FMO2: variants seen among roughly 807,000 people sequenced by gnomAD.
FMO2 encodes the protein flavin containing dimethylaniline monoxygenase 2.
In FMO2, 33 loss-of-function variants were observed where a neutral mutation model predicts 41.6. The ratio of observed to expected loss-of-function variants is 0.79; its 90% CI spans 0.60 to 1.06. FMO2 has a LOEUF of 1.06. Ranked by LOEUF, FMO2 falls within the 50% of genes least tolerant of loss-of-function variation. The pLI, the probability that FMO2 is intolerant of heterozygous loss-of-function variation, is 0.00. For synonymous variants in FMO2, 214 were observed against 219.6 expected (o/e 0.97, Z 0.23); for missense variants, 619 against 632.9 (o/e 0.98, Z 0.23).
intron 8 of FMO2, among the ~76,000 whole-genome samples, 173 bp from the exon 9 acceptor site, chr1:171,208,621 A>C (rs1438777546): frequency 6.6e-6 from 1 of 152,184 alleles, no homozygotes; most frequent in Admixed American, 6.5e-5. Flanking sequence ...CGTATTCTCA[A>C]TCTGAGATAT....
At chr1:171,189,213 T>C (rs970038111) in intron 2 of FMO2, among the ~76,000 whole-genome samples, 1 of 65,674 alleles carries the variant, frequency 1.5e-5, no homozygotes, top group African/African-American at 8.6e-5. Flanking sequence ...ACCATGTACA[T>C]TTTTTTTCCT....
intron 2 of FMO2, among the ~76,000 whole-genome samples, chr1:171,190,868 G>T (rs1224786330): frequency 6.6e-6 from 1 of 152,294 alleles, no homozygotes; most frequent in East Asian, 1.9e-4. Flanking sequence ...TCACTTGGCT[G>T]GGCGCGGTGG....
chr1:171,199,808 G>T (rs552089295), intron 5 of FMO2, among the ~76,000 whole-genome samples: 1 of 152,222 alleles, frequency 6.6e-6, no homozygotes, highest in South Asian at 2.1e-4. Flanking sequence ...TTGACCTCCT[G>T]GGCTCCAATC....
chr1:171,191,941 G>A (rs1407591184), intron 2 of FMO2, among the ~76,000 whole-genome samples: 2 of 5,676 alleles, frequency 3.5e-4, no homozygotes, highest in Non-Finnish European at 5.3e-4. Context: ...GGAAGGTTGA[G>A]GTGGGATCAC....
chr1:171,208,999 A>G lies in FMO2; in HGVS notation c.1462A>G (p.Ile488Val). The G allele has an allele frequency of 6.4e-7, 1 of 1,570,100 alleles. No homozygotes were observed. The highest frequency in any genetic ancestry group is 1.1e-5 in the South Asian group (1 of 87,676). The change falls in exon 9 of 9, where the codon ATC (isoleucine) becomes GTC (valine). Residue 488 changes from isoleucine to valine, a missense_variant. Transcript: ENST00000209929. ...PGQWEGARNA[I>V]FTQKQRILKP... ...GCAATGGGAAGGAGCCAGAAATGCC[A>G]TCTTCACCCAGAAACAAAGAATACT...
At chr1:171,191,860 C>CAAA (rs61114452) in intron 2 of FMO2, among the ~76,000 whole-genome samples, 118 of 73,754 alleles carry the variant, frequency 1.6e-3, no homozygotes, top group Middle Eastern at 6.8e-3. Flanking sequence ...CTCATCTCTA[C>CAAA]AAAAAAAAAA....
At chr1:171,190,673 T>C (rs753536218) in intron 2 of FMO2, among the ~76,000 whole-genome samples, 9 of 152,220 alleles carry the variant, frequency 5.9e-5, no homozygotes, top group Non-Finnish European at 1.3e-4. Context: ...ATTTGATACA[T>C]ACTTGTCTAT....
chr1:171,190,249 C>T (rs1023432900), intron 2 of FMO2, among the ~76,000 whole-genome samples: 58 of 152,090 alleles, frequency 3.8e-4, no homozygotes, highest in Non-Finnish European at 1.6e-4. Context: ...CAATTCAGCT[C>T]GTGATCAAAA....
chr1:171,194,975 A>G (rs1423841312), intron 3 of FMO2, among the ~76,000 whole-genome samples: 1 of 152,214 alleles, frequency 6.6e-6, no homozygotes, highest in Non-Finnish European at 1.5e-5. Context: ...TGTGAATAAC[A>G]GATTATGTAT....
intron 2 of FMO2, among the ~76,000 whole-genome samples, chr1:171,186,662 G>A (rs1219018462): frequency 6.6e-6 from 1 of 152,186 alleles, no homozygotes; most frequent in African/African-American, 2.4e-5. Flanking sequence ...CCCAAGACAT[G>A]TGGGGATTGT....
At chr1:171,188,030 ATTTTTTTTTTT>A (rs67830022) in intron 2 of FMO2, among the ~76,000 whole-genome samples, 1 of 97,726 alleles carries the variant, frequency 1.0e-5, no homozygotes, top group South Asian at 3.6e-4. Flanking sequence ...TTCAGCTGGA[ATTTTTTTTTTT>A]TTTTTTTTTT....
chr1:171,208,941 C>A lies in FMO2; in HGVS notation c.1404C>A (p.Cys468Ter), dbSNP rs573227316. 1 of 1,613,724 alleles carries A rather than the reference C, an allele frequency of 6.2e-7. No individual in the cohort carries two copies. The highest frequency in any genetic ancestry group is 1.3e-5 in the African/African-American group (1 of 74,884). The stretch of plus-strand genomic sequence containing the variant: ...CTGTGAGACTCTATTTCGGACCCTG[C>A]AACTCCTATCAGTATCGCCTGGTTG... ...KLAVRLYFGP[C>*]NSYQYRLVGP... is the part of the protein sequence containing the mutation. Residue 468 changes from cysteine (C) to a stop codon, truncating the protein, a stop_gained, in exon 9 of 9, where the codon TGC becomes TGA. Transcript: ENST00000209929. LOFTEE classifies it low-confidence loss of function (END_TRUNC).
intron 4 of FMO2, among the ~76,000 whole-genome samples, chr1:171,198,410 A>AT (rs34908571): frequency 0.11 from 16,614 of 145,134 alleles, 1,707 homozygotes; most frequent in African/African-American, 0.29. Flanking sequence ...CTGATAAGTG[A>AT]TTTTTTTTTT....
Position 171,196,739 on chromosome 1 carries a change from G to A in FMO2, c.412G>A (p.Ala138Thr). Residue 138 changes from alanine (A) to threonine (T), a missense_variant, in exon 4 of 9, where the codon GCT becomes ACT. Ala to Thr is a moderately conservative substitution (Grantham distance 58). Coordinates refer to ENST00000209929, the MANE Select transcript of FMO2 (RefSeq NM_001460.5). Reference protein sequence around the residue: ...VTQSNGKEQSAVFDAVMVCSG... With the variant: ...VTQSNGKEQSTVFDAVMVCSG... ...TCAGAGCAACGGCAAGGAGCAGAGT[G>A]CTGTCTTTGACGCAGTTATGGTTTG... 1 of 1,613,660 alleles carries A rather than the reference G, an allele frequency of 6.2e-7. No homozygotes were observed. The highest frequency in any genetic ancestry group is 8.5e-7 in the Non-Finnish European group (1 of 1,179,890).
At chr1:171,207,563 C>T (rs1432688093) in intron 7 of FMO2, 155 bp from the exon 8 acceptor site, 13 of 628,102 alleles carry the variant, frequency 2.1e-5, no homozygotes, top group Middle Eastern at 4.4e-4. Flanking sequence ...ACATAGAGTG[C>T]TATGGGGGTG....
At chr1:171,193,668 C>A in intron 3 of FMO2, 145 bp downstream of exon 3, 3 of 600,874 alleles carry the variant, frequency 5.0e-6, no homozygotes, top group African/African-American at 1.9e-5. Flanking sequence ...ATATAAAACC[C>A]AAAAAGTAGT....
intron 1 of FMO2, 70 bp downstream of exon 1, chr1:171,185,429 C>T (rs1657803066): frequency 4.4e-6 from 1 of 224,816 alleles, no homozygotes; most frequent in East Asian, 9.5e-5. Context: ...ATTTGGCTCA[C>T]ATCCCTAGTA....
chr1:171,205,173 T>A (rs16864177), intron 6 of FMO2, 106 bp from the exon 7 acceptor site: 69,261 of 624,148 alleles, frequency 0.11, 4,794 homozygotes, highest in East Asian at 0.25. Context: ...TTTACAGATA[T>A]TTGAAAAGCC....
chr1:171,205,961 C>T (rs1423678676), intron 7 of FMO2, among the ~76,000 whole-genome samples: 1 of 152,162 alleles, frequency 6.6e-6, no homozygotes, highest in Non-Finnish European at 1.5e-5. Context: ...CCTGGTTTTA[C>T]CTCTGTGTTG....
Sources: allele counts gnomAD v4.1 joint callset (sites outside exome capture counted in the v4.1 genomes callset), GRCh38; gene constraint gnomAD v4.1.1; transcripts MANE v1.5; gene names NCBI Gene and HGNC (gene_info 2026-07-23, HGNC 2026-07-21).